Variants in TTLL1 observed in about 807,000 individuals in gnomAD.
TTLL1 encodes the protein polyglutamylase complex subunit TTLL1.
A neutral mutation model predicts 47.8 loss-of-function variants in TTLL1; 33 were observed. The ratio of observed to expected loss-of-function variants is 0.69; its 90% CI spans 0.52 to 0.92. The LOEUF is 0.92. Among genes scored for constraint, TTLL1 ranks in the 40% least tolerant of loss-of-function variants. TTLL1 has a pLI of 0.00. For synonymous variants in TTLL1, 225 were observed against 214.1 expected (o/e 1.05, Z -0.45); for missense variants, 488 against 547.5 (o/e 0.89, Z 1.08).
intron 5 of TTLL1, among the ~76,000 whole-genome samples, chr22:43,067,306 T>C (rs964690734): frequency 6.6e-6 from 1 of 152,222 alleles, no homozygotes; most frequent in African/African-American, 2.4e-5. Context: ...CCCATGGCAG[T>C]GGTGCTGCTG....
At chr22:43,058,107 C>T (rs1251217597) in intron 8 of TTLL1, among the ~76,000 whole-genome samples, 2 of 151,948 alleles carry the variant, frequency 1.3e-5, no homozygotes, top group Admixed American at 1.3e-4. Context: ...CCACGCCCGG[C>T]AAATTTTTTT....
chr22:43,069,329 T>C (rs1160985666), intron 4 of TTLL1, among the ~76,000 whole-genome samples: 3 of 148,362 alleles, frequency 2.0e-5, no homozygotes, highest in Non-Finnish European at 4.5e-5. Context: ...GAGGCGGAGG[T>C]TGCAGTGAGC....
intron 3 of TTLL1, among the ~76,000 whole-genome samples, chr22:43,073,017 TA>T (rs1928228592): frequency 6.6e-6 from 1 of 152,146 alleles, no homozygotes; most frequent in African/African-American, 2.4e-5. Flanking sequence ...TCATTGCAAT[TA>T]TTCTTTTTTT....
At chr22:43,041,382 G>C (rs956198375) in intron 10 of TTLL1, 1 of 152,136 alleles carries the variant, frequency 6.6e-6, no homozygotes, top group Admixed American at 6.6e-5. Context: ...GTGGATTTCT[G>C]TGATAAGCTT....
chr22:43,048,254 T>C (rs1601657164), intron 9 of TTLL1, among the ~76,000 whole-genome samples: 2 of 150,578 alleles, frequency 1.3e-5, no homozygotes, highest in East Asian at 3.9e-4. Flanking sequence ...GAGGTGGAGG[T>C]TGCAGTGAGC....
chr22:43,062,733 G>T (rs958928036), intron 7 of TTLL1, among the ~76,000 whole-genome samples: 5 of 152,036 alleles, frequency 3.3e-5, no homozygotes, highest in African/African-American at 1.2e-4. Context: ...GGAGGCTGAG[G>T]CAGGAGAATC....
chr22:43,062,588 G>C (rs1251043619), intron 7 of TTLL1, among the ~76,000 whole-genome samples: 2 of 152,112 alleles, frequency 1.3e-5, no homozygotes, highest in African/African-American at 4.8e-5. Flanking sequence ...CCAGCACTTT[G>C]GGAGGTTGAG....
intron 3 of TTLL1, among the ~76,000 whole-genome samples, chr22:43,075,201 G>A (rs1426874857): frequency 6.6e-6 from 1 of 152,156 alleles, no homozygotes; most frequent in East Asian, 1.9e-4. Flanking sequence ...CTCACTGGAA[G>A]GGGAGGGCTG....
At position 43,066,901 on chromosome 22, in the gene TTLL1, C is replaced by T. The variant is rs115241220; in HGVS notation, c.503+1509G>A. 3.0e-3 allele frequency among the ~76,000 whole-genome samples: 461 copies of T among 151,660 alleles called. 1 individual carries two copies. Among genetic ancestry groups the T allele is most frequent in the African/African-American group, 0.011 (448 of 41,314 alleles). ...ACTTGGGAGGCTGAGGTAGGCAGAT[C>T]GCTTGAACCTGGGAGGCGTGAGGTT... On this transcript the variant is annotated intron_variant, in intron 5 of 10. Transcript: ENST00000266254.
At chr22:43,083,493 A>G (rs903827129) in intron 1 of TTLL1, among the ~76,000 whole-genome samples, 1 of 152,184 alleles carries the variant, frequency 6.6e-6, no homozygotes, top group African/African-American at 2.4e-5. Flanking sequence ...AGCATTTTGG[A>G]AGGCCGAGAT....
At chr22:43,079,177 C>G (rs1928712169) in intron 2 of TTLL1, among the ~76,000 whole-genome samples, 1 of 122,576 alleles carries the variant, frequency 8.2e-6, no homozygotes, top group African/African-American at 2.9e-5. Flanking sequence ...CCCCTCACAC[C>G]CACAGACACG....
Position 43,046,583 on chromosome 22 carries a change from G to GA in TTLL1, c.979-11dup, listed in dbSNP as rs1230677647. On this transcript the variant is annotated splice_polypyrimidine_tract_variant and intron_variant, in intron 9 of 10. Coordinates refer to ENST00000266254, the MANE Select transcript of TTLL1 (RefSeq NM_012263.5). ...ACGGGGACGCATTCACCTGTGAGAT[G>GA]AAAGACCCATGTTCCTCACCTGTGT... 6.2e-7 allele frequency: 1 copy of GA among 1,612,702 alleles called. No homozygotes were observed. The highest frequency in any genetic ancestry group is 8.5e-7 in the Non-Finnish European group (1 of 1,178,802).
chr22:43,076,872 C>G (rs1928534359), intron 2 of TTLL1, among the ~76,000 whole-genome samples: 1 of 151,408 alleles, frequency 6.6e-6, no homozygotes, highest in African/African-American at 2.4e-5. Flanking sequence ...GAGGCCGAGG[C>G]AGGTGGATCA....
chr22:43,055,331 TTTTC>T (rs1286492844), intron 8 of TTLL1, among the ~76,000 whole-genome samples: 3 of 150,238 alleles, frequency 2.0e-5, no homozygotes, highest in African/African-American at 4.9e-5. Context: ...CTGTCTATAG[TTTTC>T]TTTCTTTTTT....
intron 10 of TTLL1, 133 bp from the exon 11 acceptor site, chr22:43,040,038 T>C: frequency 7.9e-7 from 1 of 1,260,738 alleles, no homozygotes; most frequent in Non-Finnish European, 1.1e-6. Flanking sequence ...TCGCGACTCC[T>C]GCTGGCTCCC....
chr22:43,045,154 C>T (rs887852507), intron 10 of TTLL1, among the ~76,000 whole-genome samples: 6 of 152,148 alleles, frequency 3.9e-5, no homozygotes, highest in Non-Finnish European at 7.4e-5. Context: ...AGCCACCACG[C>T]CCAGCCAGGT....
intron 2 of TTLL1, among the ~76,000 whole-genome samples, chr22:43,077,335 T>G (rs1214072346): frequency 3.3e-5 from 5 of 152,118 alleles, no homozygotes; most frequent in Non-Finnish European, 7.4e-5. Flanking sequence ...GCCCTCGATC[T>G]CTGCCTGGCT....
chr22:43,078,099 C>G (rs1178173604), intron 2 of TTLL1, among the ~76,000 whole-genome samples: 1 of 151,450 alleles, frequency 6.6e-6, no homozygotes, highest in African/African-American at 2.4e-5. Flanking sequence ...AGAGTGAGAC[C>G]CTGTCTTAAA....
intron 5 of TTLL1, among the ~76,000 whole-genome samples, chr22:43,066,299 T>C (rs1601684232): frequency 6.6e-6 from 1 of 151,358 alleles, no homozygotes; most frequent in Non-Finnish European, 1.5e-5. Context: ...GAAATGGGGG[T>C]GGGGTGTATC....
Sources: gnomAD v4.1 joint callset for allele counts (sites outside exome capture counted in the v4.1 genomes callset) on GRCh38, gnomAD v4.1.1 for gene constraint, MANE v1.5 for transcripts, NCBI Gene and HGNC (gene_info 2026-07-23, HGNC 2026-07-21) for gene names.